BPTF: variants seen among roughly 807,000 people sequenced by gnomAD.
BPTF encodes nucleosome-remodeling factor subunit BPTF.
BPTF carries 18 observed loss-of-function variants against 292.5 expected under a neutral mutation model. That is an observed-to-expected ratio of 0.06 (90% CI 0.04 to 0.09). BPTF has a LOEUF of 0.09. Ranked by LOEUF, BPTF falls within the 10% of genes least tolerant of loss-of-function variation. The probability of loss-of-function intolerance (pLI) is 1.00; values close to 1 mark genes in which losing one functional copy is unlikely to be tolerated. For missense variants in BPTF, 2,726 were observed against 3,498.7 expected (o/e 0.78, Z 5.57); for synonymous variants, 1,225 against 1,251.9 (o/e 0.98, Z 0.45).
chr17:67,943,569 T>C (rs2065562985), intron 19 of BPTF, among the ~76,000 whole-genome samples: 1 of 152,192 alleles, frequency 6.6e-6, no homozygotes, highest in Non-Finnish European at 1.5e-5. Context: ...TTTTACAGTT[T>C]AGCACACACA....
At chr17:67,895,958 A>G (rs936471583) in intron 7 of BPTF, among the ~76,000 whole-genome samples, 4 of 147,006 alleles carry the variant, frequency 2.7e-5, no homozygotes, top group South Asian at 2.1e-4. Flanking sequence ...TAAGTACTCA[A>G]TCAGGCTTTT....
intron 11 of BPTF, among the ~76,000 whole-genome samples, chr17:67,914,137 A>G (rs1361732080): frequency 1.3e-5 from 2 of 152,186 alleles, no homozygotes; most frequent in African/African-American, 4.8e-5. Flanking sequence ...AAATTATTTC[A>G]GCGAGTTACT....
At chr17:67,876,136 T>C (rs2060036973) in intron 4 of BPTF, among the ~76,000 whole-genome samples, 1 of 152,382 alleles carries the variant, frequency 6.6e-6, no homozygotes, top group South Asian at 2.1e-4. Flanking sequence ...TGTGCTCGTG[T>C]AATATTTATA....
chr17:67,867,774 ATCT>A (rs1567937583), intron 3 of BPTF, among the ~76,000 whole-genome samples: 2 of 152,112 alleles, frequency 1.3e-5, no homozygotes, highest in Non-Finnish European at 2.9e-5. Flanking sequence ...TGCAATTCTC[ATCT>A]TCTTATCAAG....
rs960700698 is a variant in BPTF, at chr17:67,860,893, C to T, written c.1437-5571C>T. 4.6e-5 allele frequency among the ~76,000 whole-genome samples: 7 copies of T among 152,112 alleles called. No individual in the cohort carries two copies. The East Asian group carries it at 5.8e-4, about 13-fold the overall frequency. On this transcript the variant is annotated intron_variant, in intron 2 of 27. Coordinates refer to ENST00000306378, the MANE Select transcript of BPTF (RefSeq NM_182641.4). ...ATTTTAAAAATCTGTATTCATTTTC[C>T]GAATCAACTAAACTATGCTTTTAAA...
Position 67,959,860 on chromosome 17 carries a change from C to T in BPTF, c.8246C>T (p.Pro2749Leu). Reference sequence around the variant, plus strand: ...AAGCTTTACTGTATCTGTAAAACGCCTTATGATGAATCTAAGTGAGTAGAT... The same window carrying T: ...AAGCTTTACTGTATCTGTAAAACGCTTTATGATGAATCTAAGTGAGTAGAT... ...DTKLYCICKT[P>L]YDESKFYIGC... The change falls in exon 24 of 28, where the codon CCT becomes CTT. Residue 2749 changes from proline (P) to leucine (L), a missense_variant. Transcript: ENST00000306378. 6.3e-7 allele frequency: 1 copy of T among 1,590,402 alleles called. No homozygotes were observed. Among genetic ancestry groups the T allele is most frequent in the Non-Finnish European group, 8.6e-7 (1 of 1,169,540 alleles).
intron 5 of BPTF, among the ~76,000 whole-genome samples, chr17:67,892,532 C>CG (rs1914669655): frequency 1.3e-5 from 2 of 152,288 alleles, no homozygotes; most frequent in African/African-American, 4.8e-5. Context: ...AGCTAGGACT[C>CG]GGTATCTCTG....
At chr17:67,931,555 T>A (rs2064390067) in intron 17 of BPTF, among the ~76,000 whole-genome samples, 1 of 152,234 alleles carries the variant, frequency 6.6e-6, no homozygotes, top group African/African-American at 2.4e-5. Flanking sequence ...TGTTATATTC[T>A]GTGGGTTACA....
rs782240367 is a variant in BPTF at position 67,982,522 on chromosome 17, G to A, written c.*234G>A. 21 of 394,548 alleles carry A rather than the reference G, an allele frequency of 5.3e-5. No individual in the cohort carries two copies. The highest frequency in any genetic ancestry group is 8.2e-5 in the Non-Finnish European group (18 of 218,608). 24.4% of individuals were successfully genotyped at this position (394,548 alleles called of 1,614,324 possible). On this transcript the variant is annotated 3_prime_UTR_variant, in exon 28 of 28. Transcript: ENST00000306378. ...GTCAAGATCAGATGGTTTTACTATT[G>A]TGGCAGAAGCGAGAAAACTTTGTTT...
chr17:67,895,267 A>T (rs2061361494), intron 7 of BPTF, among the ~76,000 whole-genome samples: 1 of 132,534 alleles, frequency 7.5e-6, no homozygotes, highest in South Asian at 2.6e-4. Flanking sequence ...CAGGAGGCGG[A>T]GGTTACAGTG....
At chr17:67,898,820 A>AC (rs1229843621) in intron 7 of BPTF, among the ~76,000 whole-genome samples, 1 of 151,224 alleles carries the variant, frequency 6.6e-6, no homozygotes, top group Non-Finnish European at 1.5e-5. Flanking sequence ...ACTTTGGGCA[A>AC]CCACGTCAGG....
chr17:67,850,642 C>T (rs1353342773), intron 1 of BPTF, among the ~76,000 whole-genome samples: 4 of 152,136 alleles, frequency 2.6e-5, no homozygotes, highest in South Asian at 2.1e-4. Flanking sequence ...GCTAGGATTA[C>T]GGGCATGAGC....
chr17:67,976,405 G>A (rs1415219751), intron 27 of BPTF, among the ~76,000 whole-genome samples: 8 of 152,126 alleles, frequency 5.3e-5, no homozygotes, highest in African/African-American at 1.4e-4. Context: ...CTTGGGAGGC[G>A]GAGGTTGCAG....
intron 2 of BPTF, among the ~76,000 whole-genome samples, chr17:67,857,821 CTG>C (rs1479234845): frequency 9.6e-5 from 12 of 125,420 alleles, no homozygotes; most frequent in African/African-American, 3.7e-4. Context: ...GCGTCTCACT[CTG>C]TTGCCCCGGC....
At chr17:67,901,926 GT>G (rs2061871971) in intron 7 of BPTF, among the ~76,000 whole-genome samples, 1 of 152,200 alleles carries the variant, frequency 6.6e-6, no homozygotes, top group South Asian at 2.1e-4. Flanking sequence ...ATAAAATATT[GT>G]TTGTTACAGC....
rs370807289 is a variant in BPTF at position 67,912,967 on chromosome 17, A to G, written c.5083A>G (p.Arg1695Gly). 1 of 1,614,200 alleles carries G rather than the reference A, an allele frequency of 6.2e-7. No homozygotes were observed. Among genetic ancestry groups the G allele is most frequent in the Non-Finnish European group, 8.5e-7 (1 of 1,180,018 alleles). ...RDKVKLMKFS[R>G]PKKTRSGTAL... is the part of the protein sequence containing the mutation. Reference sequence around the variant, plus strand: ...CAAAGTGAAACTGATGAAATTTTCAAGACCAAAGAAGACTCGTTCAGGTAC... The same window carrying G: ...CAAAGTGAAACTGATGAAATTTTCAGGACCAAAGAAGACTCGTTCAGGTAC... Residue 1695 changes from arginine (R) to glycine (G), a missense_variant, in exon 11 of 28, where the codon AGA becomes GGA. By Grantham distance (125) the Arg-to-Gly change is moderately radical. Transcript: ENST00000306378.
In BPTF at chr17:67,948,069, A is replaced by AT; in HGVS notation, c.7701-7dup. On this transcript the variant is annotated splice_polypyrimidine_tract_variant and intron_variant, in intron 22 of 27. Coordinates refer to ENST00000306378, the MANE Select transcript of BPTF (RefSeq NM_182641.4). ...ACGCCCAGCATTACATAGGTTGTGT[A>AT]TTTTTCTCTAGAATGATTGTCTGTA... 1 of 1,606,858 alleles carries AT rather than the reference A, an allele frequency of 6.2e-7. No individual in the cohort carries two copies. Among genetic ancestry groups the AT allele is most frequent in the Non-Finnish European group, 8.5e-7 (1 of 1,173,616 alleles).
chr17:67,904,287 C>T (rs2146662645), intron 8 of BPTF, among the ~76,000 whole-genome samples: 1 of 152,330 alleles, frequency 6.6e-6, no homozygotes, highest in South Asian at 2.1e-4. Flanking sequence ...GACTTGGCCT[C>T]CCAAAGTGCT....
At chr17:67,828,443 G>A (rs1345173614) in intron 1 of BPTF, among the ~76,000 whole-genome samples, 1 of 152,160 alleles carries the variant, frequency 6.6e-6, no homozygotes, top group African/African-American at 2.4e-5. Context: ...TAAGATTGAT[G>A]GGTGTGCATA....
Sources: gnomAD v4.1 joint callset for allele counts (sites outside exome capture counted in the v4.1 genomes callset) on GRCh38, gnomAD v4.1.1 for gene constraint, MANE v1.5 for transcripts, NCBI Gene and HGNC (gene_info 2026-07-23, HGNC 2026-07-21) for gene names.